The following DMD variants were observed in gnomAD, a reference collection of about 807,000 sequenced individuals.
DMD encodes the protein mutant dystrophin.
A neutral mutation model predicts 330.1 loss-of-function variants in DMD; 63 were observed. The ratio of observed to expected loss-of-function variants is 0.19; its 90% CI spans 0.16 to 0.24. The LOEUF is 0.24. DMD is among the 10% of genes least tolerant of loss of function. The pLI, the probability that DMD is intolerant of heterozygous loss-of-function variation, is 1.00. For missense variants in DMD, 3,344 were observed against 2,684.1 expected, an observed-to-expected ratio of 1.25 and a Z score of -5.43; for synonymous variants, 1,223 against 959.8, an observed-to-expected ratio of 1.27 and a Z score of -5.07.
chrX:31,348,439 A>G (rs2058218884), intron 61 of DMD, 117 bp downstream of exon 61: 7 of 679,969 alleles, frequency 1.0e-5, no homozygotes, highest in Non-Finnish European at 1.4e-5. Context: ...TTATGCTTCT[A>G]CTGCATCTGA....
intron 55 of DMD, among the ~76,000 whole-genome samples, chrX:31,569,038 C>A (rs1030563323): frequency 1.8e-4 from 20 of 111,356 alleles, no homozygotes; most frequent in African/African-American, 6.5e-4. Flanking sequence ...TTAGGTATGT[C>A]TTCTTTTAAA....
chrX:33,263,968 T>G (rs1020564144), intron 1 of DMD, among the ~76,000 whole-genome samples: 2 of 111,388 alleles, frequency 1.8e-5, no homozygotes, highest in African/African-American at 6.5e-5. Flanking sequence ...ACTTAAGATC[T>G]TCTTTCAAAT....
chrX:32,519,930 A>G (rs987023492), intron 17 of DMD, among the ~76,000 whole-genome samples: 14 of 112,019 alleles, frequency 1.2e-4, no homozygotes, highest in Non-Finnish European at 1.7e-4. Flanking sequence ...CCAGCTGCCC[A>G]TAGGATGAGA....
chrX:31,879,090 T>A (rs2094012920), intron 47 of DMD, among the ~76,000 whole-genome samples: 1 of 111,196 alleles, frequency 9.0e-6, no homozygotes, highest in Non-Finnish European at 1.9e-5. Context: ...ACCTTTTATA[T>A]TTTGAACAAT....
chrX:33,334,289 G>A (rs2148966734), intron 1 of DMD, among the ~76,000 whole-genome samples: 1 of 111,721 alleles, frequency 9.0e-6, no homozygotes, highest in South Asian at 3.7e-4. Flanking sequence ...ACTTTTCCAA[G>A]TCTCTAGTAC....
chrX:33,222,810 A>T (rs1456150257), intron 1 of DMD, among the ~76,000 whole-genome samples: 1 of 111,901 alleles, frequency 8.9e-6, no homozygotes, highest in Non-Finnish European at 1.9e-5. Flanking sequence ...ATATGAGGAA[A>T]ACTGCAACCC....
At chrX:32,467,014 G>C (rs748712054) in intron 23 of DMD, among the ~76,000 whole-genome samples, 20 of 111,999 alleles carry the variant, frequency 1.8e-4, no homozygotes, top group Non-Finnish European at 3.4e-4. Context: ...TTGATAACAA[G>C]AGCCATGTAA....
At chrX:32,091,573 C>G (rs1020665270) in intron 44 of DMD, among the ~76,000 whole-genome samples, 2 of 110,384 alleles carry the variant, frequency 1.8e-5, no homozygotes, top group Non-Finnish European at 3.8e-5. Flanking sequence ...AAACCTAAAG[C>G]CATCAGATTT....
chrX:32,594,008 A>T (rs2055235661), intron 13 of DMD, among the ~76,000 whole-genome samples: 1 of 112,372 alleles, frequency 8.9e-6, no homozygotes, highest in Admixed American at 9.4e-5. Context: ...AAGCTATGTC[A>T]TCTTTCAGAA....
chrX:32,467,119 G>T (rs1256488301), intron 23 of DMD, among the ~76,000 whole-genome samples: 1 of 112,154 alleles, frequency 8.9e-6, no homozygotes, highest in Non-Finnish European at 1.9e-5. Flanking sequence ...TATAAGTAAA[G>T]AAATGCTATG....
intron 54 of DMD, among the ~76,000 whole-genome samples, chrX:31,629,756 T>C (rs750034569): frequency 5.9e-4 from 66 of 111,884 alleles, no homozygotes; most frequent in African/African-American, 1.8e-3. Flanking sequence ...GCATACACCT[T>C]ACAGTTTGAA....
chrX:33,118,259 C>T (rs892410421), intron 1 of DMD, among the ~76,000 whole-genome samples: 12 of 107,310 alleles, frequency 1.1e-4, no homozygotes, highest in Non-Finnish European at 2.1e-4. Flanking sequence ...TACAGGCGCC[C>T]GCTACCACGC....
At position 32,616,140 on chromosome X, in the gene DMD, T is replaced by C. The variant is rs145252880; in HGVS notation, c.1332-1687A>G. 3.6e-3 allele frequency among the ~76,000 whole-genome samples: 397 copies of C among 111,207 alleles called. 8 individuals are homozygous for C. Among genetic ancestry groups the C allele is most frequent in the Admixed American group, 0.026 (267 of 10,441 alleles). ...GAAGTAATGGGCCATTTTAAGCACA[T>C]TTTATAAAGCATATATACCCTCAAC... On this transcript the variant is annotated intron_variant, in intron 11 of 78. Coordinates refer to ENST00000357033, the MANE Select transcript of DMD (RefSeq NM_004006.3).
intron 63 of DMD, among the ~76,000 whole-genome samples, chrX:31,234,199 C>T (rs1253307155): frequency 8.9e-6 from 1 of 111,999 alleles, no homozygotes; most frequent in African/African-American, 3.2e-5. Flanking sequence ...TGACCACTCC[C>T]TTGTTCTCCC....
rs1009614169 is a variant in DMD at position 31,586,461 on chromosome X, A to G, written c.8217+41212T>C. On this transcript the variant is annotated intron_variant, in intron 55 of 78. Coordinates refer to ENST00000357033, the MANE Select transcript of DMD (RefSeq NM_004006.3). Reference sequence around the variant, plus strand: ...TCTGGCACAACTGCCATATGCATTTATACTAATGTGAAAGACTTCTTGTAA... The same window carrying G: ...TCTGGCACAACTGCCATATGCATTTGTACTAATGTGAAAGACTTCTTGTAA... Among the ~76,000 whole-genome samples, 5 of 112,934 alleles carry G rather than the reference A, an allele frequency of 4.4e-5. No homozygotes were observed. In the Admixed American group the frequency reaches 4.7e-4, roughly 11 times the overall value.
intron 42 of DMD, among the ~76,000 whole-genome samples, chrX:32,305,565 C>T (rs1473366556): frequency 9.0e-6 from 1 of 111,146 alleles, no homozygotes; most frequent in Non-Finnish European, 1.9e-5. Context: ...CGACCAAGTC[C>T]AAGCCACCAG....
chrX:32,707,063 G>C (rs1187779080), intron 7 of DMD, among the ~76,000 whole-genome samples: 1 of 109,793 alleles, frequency 9.1e-6, no homozygotes, highest in Non-Finnish European at 1.9e-5. Flanking sequence ...CTGTACTCCA[G>C]CCTGGGAAAC....
intron 62 of DMD, among the ~76,000 whole-genome samples, chrX:31,270,968 A>C (rs1001880612): frequency 1.8e-5 from 2 of 111,836 alleles, no homozygotes; most frequent in African/African-American, 6.5e-5. Flanking sequence ...AATAGTCCTC[A>C]AGCTTGGCCG....
At chrX:32,390,283 T>C in intron 30 of DMD, 102 bp from the exon 31 acceptor site, 1 of 608,217 alleles carries the variant, frequency 1.6e-6, no homozygotes, top group Non-Finnish European at 2.7e-6. Flanking sequence ...CTCTACCATG[T>C]AGCTTCCTTT....
Sources: allele counts gnomAD v4.1 joint callset (sites outside exome capture counted in the v4.1 genomes callset), GRCh38; gene constraint gnomAD v4.1.1; transcripts MANE v1.5; gene names NCBI Gene and HGNC (gene_info 2026-07-23, HGNC 2026-07-21).